Variants in TET3 observed in about 807,000 individuals in gnomAD.
TET3 encodes tet methylcytosine dioxygenase 3.
In TET3, 19 loss-of-function variants were observed where a neutral mutation model predicts 141.4. The observed-to-expected ratio is 0.13, with a 90% CI of 0.09 to 0.20. The LOEUF is 0.20. Among genes scored for constraint, TET3 ranks in the 10% least tolerant of loss-of-function variants. TET3 has a pLI of 1.00. For missense variants in TET3, 1,874 were observed against 2,356.9 expected (o/e 0.80, Z 4.24); for synonymous variants, 1,043 against 980.9 (o/e 1.06, Z -1.18).
intron 3 of TET3, among the ~76,000 whole-genome samples, chr2:74,030,712 G>C (rs1030135264): frequency 6.6e-6 from 1 of 152,164 alleles, no homozygotes; most frequent in Non-Finnish European, 1.5e-5. Context: ...AGGCTCAGTG[G>C]GTTGAATATG....
At chr2:74,086,428 G>A (rs1690163723) in intron 6 of TET3, among the ~76,000 whole-genome samples, 1 of 151,980 alleles carries the variant, frequency 6.6e-6, no homozygotes, top group Non-Finnish European at 1.5e-5. Context: ...GTACCATACA[G>A]TTCACACATT....
At chr2:74,014,166 C>A (rs537384780) in intron 3 of TET3, among the ~76,000 whole-genome samples, 1 of 152,066 alleles carries the variant, frequency 6.6e-6, no homozygotes, top group East Asian at 1.9e-4. Flanking sequence ...GTCATCTTTT[C>A]CTTAGGTTTA....
intron 11 of TET3, 116 bp downstream of exon 11, chr2:74,099,728 C>A: frequency 8.9e-7 from 1 of 1,118,814 alleles, no homozygotes; most frequent in Non-Finnish European, 1.3e-6. Context: ...GCTTAATTGT[C>A]AGTCAGAAGG....
intron 5 of TET3, among the ~76,000 whole-genome samples, chr2:74,075,810 T>G (rs894204401): frequency 6.6e-6 from 1 of 152,160 alleles, no homozygotes; most frequent in Non-Finnish European, 1.5e-5. Context: ...TCCAGCCTGG[T>G]ATGAGGGCAC....
chr2:74,075,320 CTT>C (rs971111434), intron 5 of TET3, among the ~76,000 whole-genome samples: 279 of 89,048 alleles, frequency 3.1e-3, no homozygotes, highest in African/African-American at 0.011. Context: ...GAGCCAAATA[CTT>C]TTTTTTTTTT....
chr2:74,110,599 C>CA (rs1375439362), downstream of TET3, among the ~76,000 whole-genome samples: 2 of 152,148 alleles, frequency 1.3e-5, no homozygotes, highest in African/African-American at 4.8e-5. Context: ...ACGTGAAAGA[C>CA]AAAGCTTTGT....
intron 3 of TET3, among the ~76,000 whole-genome samples, chr2:74,024,164 T>C (rs1434096754): frequency 6.6e-6 from 1 of 152,254 alleles, no homozygotes; most frequent in East Asian, 1.9e-4. Context: ...GAGACTTGCT[T>C]AGGATTTCCA....
chr2:74,100,930 A>T lies in TET3; in HGVS notation c.4142A>T (p.Asp1381Val). 6.2e-7 allele frequency: 1 copy of T among 1,610,310 alleles called. No homozygotes were observed. The highest frequency in any genetic ancestry group is 8.5e-7 in the Non-Finnish European group (1 of 1,178,614). ...KAPLLHSVSR[D>V]PSPFAQSSNC... ...CCCCTACTCCACTCAGTGTCCAGGG[A>T]CCCCTCCCCCTTTGCCCAGAGCTCC... The change falls in exon 12 of 12, where the codon GAC becomes GTC. Residue 1381 changes from aspartate to valine, a missense_variant. Asp to Val is a radical substitution (Grantham distance 152, BLOSUM62 -3). Around this residue, in one of 10 missense-constraint regions of TET3, gnomAD observed 602 missense variants for 590.2 expected, o/e 1.02. Coordinates refer to ENST00000409262, the MANE Select transcript of TET3 (RefSeq NM_001287491.2).
intron 10 of TET3, among the ~76,000 whole-genome samples, chr2:74,097,222 C>CACACACAT (rs1553435468): frequency 6.6e-6 from 1 of 151,310 alleles, no homozygotes; most frequent in Non-Finnish European, 1.5e-5. Flanking sequence ...CACACACACA[C>CACACACAT]ACACACACAT....
chr2:73,990,094 G>A (rs1028149630), intron 2 of TET3, among the ~76,000 whole-genome samples: 1 of 152,062 alleles, frequency 6.6e-6, no homozygotes, highest in African/African-American at 2.4e-5. Context: ...TCTTCGAGCT[G>A]TAAAGATGCA....
At chr2:74,014,614 T>C (rs1573692548) in intron 3 of TET3, among the ~76,000 whole-genome samples, 1 of 152,150 alleles carries the variant, frequency 6.6e-6, no homozygotes, top group East Asian at 1.9e-4. Flanking sequence ...TGCCTAGGAT[T>C]AGAGCATATC....
intron 4 of TET3, among the ~76,000 whole-genome samples, chr2:74,054,595 G>C (rs1294570863): frequency 6.6e-6 from 1 of 152,138 alleles, no homozygotes; most frequent in Non-Finnish European, 1.5e-5. Flanking sequence ...CTTTTCACCA[G>C]GCTGACTGTG....
chr2:74,006,414 T>C (rs1685151581), intron 3 of TET3, among the ~76,000 whole-genome samples: 1 of 152,190 alleles, frequency 6.6e-6, no homozygotes, highest in Non-Finnish European at 1.5e-5. Context: ...TTGAATGTCA[T>C]GGGAGAGGGA....
At chr2:74,070,096 C>T (rs1689121984) in intron 4 of TET3, among the ~76,000 whole-genome samples, 1 of 152,158 alleles carries the variant, frequency 6.6e-6, no homozygotes, top group Admixed American at 6.5e-5. Context: ...GTGTATGGAT[C>T]TCTAAGCAGT....
intron 2 of TET3, chr2:73,998,196 A>G (rs562516366): frequency 6.6e-6 from 1 of 152,386 alleles, no homozygotes; most frequent in African/African-American, 2.4e-5. Context: ...CCGGGTTTCT[A>G]GCTCAGCATT....
chr2:74,120,334 G>C, the TET3 span, among the ~76,000 whole-genome samples: 2 of 152,224 alleles, frequency 1.3e-5, no homozygotes, highest in African/African-American at 4.8e-5. Context: ...CTTTCCGCCG[G>C]GGTCCCAGCC....
intron 4 of TET3, among the ~76,000 whole-genome samples, chr2:74,071,165 C>T (rs1689183794): frequency 1.3e-5 from 2 of 152,164 alleles, no homozygotes; most frequent in Non-Finnish European, 1.5e-5. Flanking sequence ...GGGAAGCAAG[C>T]TCTCTGGTAT....
intron 4 of TET3, among the ~76,000 whole-genome samples, chr2:74,066,413 A>G (rs1452455704): frequency 1.3e-5 from 2 of 152,262 alleles, no homozygotes; most frequent in Admixed American, 1.3e-4. Flanking sequence ...TGTTACACAT[A>G]TGCATGCACA....
intron 10 of TET3, among the ~76,000 whole-genome samples, chr2:74,095,239 A>C (rs1462632384): frequency 6.6e-6 from 1 of 151,890 alleles, no homozygotes; most frequent in Non-Finnish European, 1.5e-5. Flanking sequence ...CTATCACTGC[A>C]TCCAAGACTG....
Sources: gnomAD v4.1 joint callset for allele counts (sites outside exome capture counted in the v4.1 genomes callset) on GRCh38, gnomAD v4.1.1 for gene constraint, gnomAD v4.1.1 regional missense constraint, MANE v1.5 for transcripts, NCBI Gene and HGNC (gene_info 2026-07-23, HGNC 2026-07-21) for gene names.